Variants in GABRG3 observed in about 807,000 individuals in gnomAD.
GABRG3 encodes the protein gamma-aminobutyric acid receptor subunit gamma-3.
Under a neutral mutation model 48.8 loss-of-function variants are expected in GABRG3, and 25 were observed. The observed-to-expected ratio is 0.51, with a 90% CI of 0.37 to 0.72. The LOEUF (loss-of-function observed/expected upper bound fraction) is 0.72. Among genes scored for constraint, GABRG3 ranks in the 30% least tolerant of loss-of-function variants. GABRG3 has a pLI of 0.00. For synonymous variants in GABRG3, 227 were observed against 217.6 expected, an observed-to-expected ratio of 1.04 and a Z score of -0.38; for missense variants, 394 against 577.9, an observed-to-expected ratio of 0.68 and a Z score of 3.26.
intron 3 of GABRG3, among the ~76,000 whole-genome samples, chr15:27,257,876 G>C (rs1890667885): frequency 6.7e-6 from 1 of 149,442 alleles, no homozygotes. Flanking sequence ...GACTTGTCTT[G>C]AACTCCTGGG....
At chr15:27,350,367 G>A in intron 5 of GABRG3, 2 of 315,086 alleles carry the variant, frequency 6.3e-6, no homozygotes, top group Non-Finnish European at 6.4e-6. Context: ...AACACTGGGA[G>A]GAACCATTGA....
intron 2 of GABRG3, among the ~76,000 whole-genome samples, chr15:27,000,029 G>A (rs1895414070): frequency 1.3e-5 from 2 of 151,980 alleles, no homozygotes; most frequent in African/African-American, 2.4e-5. Flanking sequence ...TCAACATATG[G>A]AATACAGTTA....
At chr15:27,409,247 T>C (rs1482286336) in intron 5 of GABRG3, among the ~76,000 whole-genome samples, 1 of 152,206 alleles carries the variant, frequency 6.6e-6, no homozygotes, top group Non-Finnish European at 1.5e-5. Flanking sequence ...TATATTTAAA[T>C]CTATTTTGAA....
At chr15:27,246,808 T>C (rs1215744788) in intron 3 of GABRG3, among the ~76,000 whole-genome samples, 1 of 152,212 alleles carries the variant, frequency 6.6e-6, no homozygotes, top group Non-Finnish European at 1.5e-5. Context: ...CTCCTGTTTG[T>C]ATAAATATTG....
chr15:27,048,981 G>A (rs552108542), intron 3 of GABRG3, among the ~76,000 whole-genome samples: 11 of 152,332 alleles, frequency 7.2e-5, no homozygotes, highest in Non-Finnish European at 1.2e-4. Flanking sequence ...ACCACGCTAC[G>A]GGGCTCTGTG....
chr15:27,183,797 A>C lies in GABRG3; in HGVS notation c.271-143012A>C, dbSNP rs78738775. On this transcript the variant is annotated intron_variant, in intron 3 of 9. Coordinates refer to ENST00000615808, the MANE Select transcript of GABRG3 (RefSeq NM_033223.5). ...AATTTTAAGCGTATTAATCAGACAA[A>C]TTTAATATATATTTAATCTATGTGT... is the stretch of plus-strand genomic sequence containing the variant. 6.8e-3 allele frequency among the ~76,000 whole-genome samples: 1,034 copies of C among 152,314 alleles called. 15 individuals carry two copies. Among genetic ancestry groups the C allele is most frequent in the African/African-American group, 0.024 (1,003 of 41,564 alleles).
intron 3 of GABRG3, among the ~76,000 whole-genome samples, chr15:27,135,896 C>A (rs1898000181): frequency 6.6e-6 from 1 of 152,144 alleles, no homozygotes; most frequent in Non-Finnish European, 1.5e-5. Flanking sequence ...CAGAGCCAGA[C>A]TTTGTCTCCA....
At chr15:27,074,591 T>G (rs1232136522) in intron 3 of GABRG3, among the ~76,000 whole-genome samples, 1 of 151,834 alleles carries the variant, frequency 6.6e-6, no homozygotes, top group Admixed American at 6.5e-5. Context: ...CAGCCCATCC[T>G]GGAACCTTTA....
intron 9 of GABRG3, 137 bp from the exon 10 acceptor site, chr15:27,532,463 G>C: frequency 3.7e-6 from 2 of 537,562 alleles, no homozygotes; most frequent in Non-Finnish European, 2.9e-6. Flanking sequence ...ACTCTCTCCA[G>C]CATGGGGGGA....
chr15:27,358,514 GA>G (rs1028369746), intron 5 of GABRG3, among the ~76,000 whole-genome samples: 1 of 152,020 alleles, frequency 6.6e-6, no homozygotes, highest in African/African-American at 2.4e-5. Flanking sequence ...TCATGAGGGT[GA>G]GATTAGGGGT....
intron 3 of GABRG3, among the ~76,000 whole-genome samples, chr15:27,215,823 G>A (rs1889228904): frequency 6.6e-6 from 1 of 152,168 alleles, no homozygotes. Flanking sequence ...TCCCAGGGAT[G>A]GATTCGACTA....
At chr15:27,230,088 T>C (rs1889751049) in intron 3 of GABRG3, among the ~76,000 whole-genome samples, 1 of 152,208 alleles carries the variant, frequency 6.6e-6, no homozygotes, top group African/African-American at 2.4e-5. Context: ...TGTTTTGTAG[T>C]TCTCATCGTA....
At chr15:27,248,708 T>C (rs1270156153) in intron 3 of GABRG3, among the ~76,000 whole-genome samples, 1 of 151,332 alleles carries the variant, frequency 6.6e-6, no homozygotes, top group African/African-American at 2.4e-5. Context: ...CAGTGATCTG[T>C]AAAGTTTTCA....
At position 27,319,241 on chromosome 15, in the gene GABRG3, A is replaced by G. The variant is rs930641412; in HGVS notation, c.271-7568A>G. Reference sequence around the variant, plus strand: ...CAGGGGGAAAAAAATGTCTGAAACCAACAAGGGCTCCAGTGAGCCTCGGTC... The same window carrying G: ...CAGGGGGAAAAAAATGTCTGAAACCGACAAGGGCTCCAGTGAGCCTCGGTC... On this transcript the variant is annotated intron_variant, in intron 3 of 9. Coordinates refer to ENST00000615808, the MANE Select transcript of GABRG3 (RefSeq NM_033223.5). The surrounding 1 kb of genome is among the most constrained non-coding windows in gnomAD (Gnocchi z 4.4). 3.3e-5 allele frequency among the ~76,000 whole-genome samples: 5 copies of G among 152,166 alleles called. No individual in the cohort carries two copies. The highest frequency in any genetic ancestry group is 2.0e-4 in the Admixed American group (3 of 15,282).
At chr15:27,123,418 G>A (rs560534420) in intron 3 of GABRG3, among the ~76,000 whole-genome samples, 38 of 152,210 alleles carry the variant, frequency 2.5e-4, no homozygotes, top group Admixed American at 2.5e-3. Context: ...AGAGGCCTGT[G>A]GGAACTCACT....
At chr15:27,027,066 G>A (rs542300346) in intron 3 of GABRG3, 1 of 389,044 alleles carries the variant, frequency 2.6e-6, no homozygotes. Flanking sequence ...GTCTTTTATA[G>A]TGTTTCTTAG....
In GABRG3 at chr15:27,090,500, A is replaced by G. The variant is rs561359105; in HGVS notation, c.270+63679A>G. On this transcript the variant is annotated intron_variant, in intron 3 of 9. Transcript: ENST00000615808. ...AGCAGCTGCACCGTTTTACAGTTCC[A>G]CCAACAACCTATGAGGGTTCCAATT... Among the ~76,000 whole-genome samples the G allele has an allele frequency of 5.8e-4, 88 of 152,298 alleles. 2 individuals carry two copies. The highest frequency in any genetic ancestry group is 6.8e-3 in the Middle Eastern group (2 of 294).
chr15:27,143,319 A>G (rs1222807327), intron 3 of GABRG3, among the ~76,000 whole-genome samples: 1 of 152,122 alleles, frequency 6.6e-6, no homozygotes, highest in East Asian at 1.9e-4. Flanking sequence ...GACTCAAGCA[A>G]TATTCCTGCC....
At chr15:27,356,452 G>A (rs1409192429) in intron 5 of GABRG3, among the ~76,000 whole-genome samples, 1 of 152,140 alleles carries the variant, frequency 6.6e-6, no homozygotes, top group Non-Finnish European at 1.5e-5. Context: ...TCAGAAAGGA[G>A]CTAACATGGT....
Sources: allele counts gnomAD v4.1 joint callset (sites outside exome capture counted in the v4.1 genomes callset), GRCh38; gene constraint gnomAD v4.1.1; non-coding constraint Gnocchi (gnomAD v3.1); transcripts MANE v1.5; gene names NCBI Gene and HGNC (gene_info 2026-07-23, HGNC 2026-07-21).